Variants in MRPL22 observed in about 807,000 individuals in gnomAD.
MRPL22 encodes large ribosomal subunit protein uL22m.
Under a neutral mutation model 32.4 loss-of-function variants are expected in MRPL22, and 27 were observed. The ratio of observed to expected loss-of-function variants is 0.83; its 90% CI spans 0.61 to 1.15. The LOEUF (loss-of-function observed/expected upper bound fraction) is 1.15, where lower values mean the gene tolerates loss of function less well. MRPL22 is among the 50% of genes most tolerant of loss of function. The probability of loss-of-function intolerance (pLI) is 0.00; values close to 1 mark genes in which losing one functional copy is unlikely to be tolerated. For missense variants in MRPL22, 239 were observed against 260.2 expected (o/e 0.92, Z 0.56); for synonymous variants, 86 against 87.3 (o/e 0.99, Z 0.08).
At chr5:154,951,266 C>A (rs1368402756) in intron 3 of MRPL22, among the ~76,000 whole-genome samples, 1 of 152,040 alleles carries the variant, frequency 6.6e-6, no homozygotes, top group African/African-American at 2.4e-5. Flanking sequence ...AAACTATTGG[C>A]CAATGTTTAA....
chr5:154,941,101 A>G lies in MRPL22; in HGVS notation c.-10A>G. The G allele has an allele frequency of 6.2e-7, 1 of 1,613,590 alleles. No homozygotes were observed. Among genetic ancestry groups the G allele is most frequent in the Non-Finnish European group, 8.5e-7 (1 of 1,179,994 alleles). On this transcript the variant is annotated 5_prime_UTR_variant, in exon 1 of 7. Transcript: ENST00000523037. The stretch of plus-strand genomic sequence containing the variant: ...TGAACTCGGCGGCTTCCGTAGCGGG[A>G]GGGCGAAAGATGGCGGCGGCAGTAC...
At chr5:154,950,278 A>G (rs1344659651) in intron 2 of MRPL22, among the ~76,000 whole-genome samples, 2 of 152,164 alleles carry the variant, frequency 1.3e-5, no homozygotes, top group Non-Finnish European at 2.9e-5. Flanking sequence ...CCCTCCCTCA[A>G]CATGTATGGA....
chr5:154,944,010 G>A (rs1166832275), intron 2 of MRPL22, among the ~76,000 whole-genome samples: 2 of 152,054 alleles, frequency 1.3e-5, no homozygotes, highest in African/African-American at 4.8e-5. Flanking sequence ...TTTTACTGAT[G>A]CATACATTTG....
chr5:154,947,281 C>T lies in MRPL22; in HGVS notation c.78-3540C>T, dbSNP rs772497030. ...GTTAGGATTTAGACCAAGGTCTGCTCGACTCTGTAGCCTCAGCTGTCACCA... is the reference window on the plus strand; with the variant it reads ...GTTAGGATTTAGACCAAGGTCTGCTTGACTCTGTAGCCTCAGCTGTCACCA... On this transcript the variant is annotated intron_variant, in intron 2 of 6. Coordinates refer to ENST00000523037, the MANE Select transcript of MRPL22 (RefSeq NM_014180.4). 7.2e-5 allele frequency among the ~76,000 whole-genome samples: 11 copies of T among 152,130 alleles called. No individual in the cohort carries two copies. The East Asian group carries it at 1.5e-3, about 21-fold the overall frequency.
intron 2 of MRPL22, among the ~76,000 whole-genome samples, chr5:154,943,874 G>A (rs1764454126): frequency 6.6e-6 from 1 of 151,686 alleles, no homozygotes; most frequent in Non-Finnish European, 1.5e-5. Context: ...TATATTGCCC[G>A]GCTGGTCTGA....
chr5:154,954,853 G>A lies in MRPL22; in HGVS notation c.196-1518G>A, dbSNP rs1254213071. Reference sequence around the variant, plus strand: ...GTCGCCCAGGCTGGAGTGCAGTGGCGCAATCTCAGCTCACTACAAGCTCCA... The same window carrying A: ...GTCGCCCAGGCTGGAGTGCAGTGGCACAATCTCAGCTCACTACAAGCTCCA... On this transcript the variant is annotated intron_variant, in intron 3 of 6. Transcript: ENST00000523037. 2.6e-5 allele frequency among the ~76,000 whole-genome samples: 4 copies of A among 151,996 alleles called. No individual in the cohort carries two copies. In the East Asian group the frequency reaches 5.8e-4, roughly 22 times the overall value.
chr5:154,953,991 CTT>C (rs1163927758), intron 3 of MRPL22, among the ~76,000 whole-genome samples: 44 of 123,244 alleles, frequency 3.6e-4, no homozygotes, highest in Non-Finnish European at 3.2e-4. Flanking sequence ...TGGCCTAAAA[CTT>C]TTTTTTTTTT....
chr5:154,943,231 C>T (rs1021915389), intron 2 of MRPL22, among the ~76,000 whole-genome samples: 3 of 151,528 alleles, frequency 2.0e-5, no homozygotes, highest in Admixed American at 6.6e-5. Flanking sequence ...CTCAAACTCC[C>T]GGGCTCCCAC....
intron 6 of MRPL22, among the ~76,000 whole-genome samples, chr5:154,961,580 A>C (rs954735091): frequency 3.3e-5 from 5 of 152,252 alleles, no homozygotes; most frequent in Non-Finnish European, 7.3e-5. Context: ...GTAAAGAGAG[A>C]TAGGATAAAG....
At chr5:154,947,446 TA>T (rs1414970822) in intron 2 of MRPL22, among the ~76,000 whole-genome samples, 2 of 152,198 alleles carry the variant, frequency 1.3e-5, no homozygotes, top group African/African-American at 4.8e-5. Flanking sequence ...ATCTTGATAT[TA>T]GGATAGGAGA....
intron 6 of MRPL22, among the ~76,000 whole-genome samples, chr5:154,960,708 C>T (rs998754073): frequency 2.0e-5 from 3 of 152,094 alleles, no homozygotes; most frequent in Non-Finnish European, 2.9e-5. Flanking sequence ...TGCTGCAGAC[C>T]GTCACACAGT....
intron 6 of MRPL22, among the ~76,000 whole-genome samples, chr5:154,964,783 T>C (rs1764745267): frequency 1.3e-5 from 2 of 152,076 alleles, no homozygotes; most frequent in South Asian, 4.2e-4. Context: ...CGTGATGGGG[T>C]TGATCATTGT....
At chr5:154,964,756 TG>T (rs1472174736) in intron 6 of MRPL22, among the ~76,000 whole-genome samples, 1 of 152,054 alleles carries the variant, frequency 6.6e-6, no homozygotes, top group East Asian at 1.9e-4. Flanking sequence ...AGAAGGGAAA[TG>T]GGAGCCGACG....
chr5:154,954,852 C>T lies in MRPL22; in HGVS notation c.196-1519C>T, dbSNP rs1248996823. 5.9e-5 allele frequency among the ~76,000 whole-genome samples: 9 copies of T among 152,164 alleles called. No individual in the cohort carries two copies. In the East Asian group the frequency reaches 9.7e-4, roughly 16 times the overall value. On this transcript the variant is annotated intron_variant, in intron 3 of 6. Coordinates refer to ENST00000523037, the MANE Select transcript of MRPL22 (RefSeq NM_014180.4). ...TGTCGCCCAGGCTGGAGTGCAGTGG[C>T]GCAATCTCAGCTCACTACAAGCTCC...
At position 154,967,099 on chromosome 5, in the gene MRPL22, A is replaced by AG; in HGVS notation, c.*206dup. ...TATTTGTATGCATTTGCGACTTGGAAGGGGAAATCAGCTTTAAACATAGTA... is the reference window on the plus strand; with the variant it reads ...TATTTGTATGCATTTGCGACTTGGAAGGGGGAAATCAGCTTTAAACATAGTA... On this transcript the variant is annotated 3_prime_UTR_variant, in exon 7 of 7. Coordinates refer to ENST00000523037, the MANE Select transcript of MRPL22 (RefSeq NM_014180.4). The surrounding 1 kb of genome is among the most constrained non-coding windows in gnomAD (Gnocchi z 4.7). 1 of 610,066 alleles carries AG rather than the reference A, an allele frequency of 1.6e-6. No homozygotes were observed. The highest frequency in any genetic ancestry group is 2.1e-5 in the South Asian group (1 of 47,504). The allele number at this position is 610,066 out of a possible 1,614,324, so 37.8% of individuals were successfully genotyped here. A position where few individuals can be genotyped will look rare whatever the true frequency, so the allele number is the denominator to read the frequency against.
Position 154,959,993 on chromosome 5 carries a change from C to T in MRPL22, c.353C>T (p.Ala118Val), listed in dbSNP as rs1362980661. The T allele has an allele frequency of 6.2e-7, 1 of 1,611,434 alleles. No homozygotes were observed. The highest frequency in any genetic ancestry group is 1.7e-5 in the Admixed American group (1 of 59,902). Residue 118 changes from alanine (A) to valine (V), a missense_variant, in exon 6 of 7, where the codon GCA becomes GTA. Ala to Val is a moderately conservative substitution (Grantham distance 64, BLOSUM62 0). Coordinates refer to ENST00000523037, the MANE Select transcript of MRPL22 (RefSeq NM_014180.4). ...TTCTTATTTAAGGTTCTCTTAGAAG[C>T]ACAAGATATGGCAGTGAGAGACCAT... ...AKIIKEVLLE[A>V]QDMAVRDHNV...
chr5:154,947,874 T>C (rs1764512787), intron 2 of MRPL22, among the ~76,000 whole-genome samples: 1 of 152,192 alleles, frequency 6.6e-6, no homozygotes, highest in African/African-American at 2.4e-5. Context: ...GAGGTGACAT[T>C]TGAGCTAGAA....
chr5:154,944,216 C>A (rs1280921177), intron 2 of MRPL22, among the ~76,000 whole-genome samples: 1 of 152,138 alleles, frequency 6.6e-6, no homozygotes, highest in Non-Finnish European at 1.5e-5. Flanking sequence ...CTTTGGCCTC[C>A]CAAAGTGCTG....
chr5:154,942,943 A>T (rs1764439664), intron 2 of MRPL22, among the ~76,000 whole-genome samples: 1 of 152,242 alleles, frequency 6.6e-6, no homozygotes, highest in South Asian at 2.1e-4. Flanking sequence ...GTCATGATAC[A>T]AGAGTGTTTG....
Sources: allele counts gnomAD v4.1 joint callset (sites outside exome capture counted in the v4.1 genomes callset), GRCh38; gene constraint gnomAD v4.1.1; non-coding constraint Gnocchi (gnomAD v3.1); transcripts MANE v1.5; gene names NCBI Gene and HGNC (gene_info 2026-07-23, HGNC 2026-07-21).